The following JAK2 variants were observed in gnomAD, a reference collection of about 807,000 sequenced individuals.
JAK2 encodes Janus kinase 2.
A neutral mutation model predicts 139.3 loss-of-function variants in JAK2; 86 were observed. The observed-to-expected ratio is 0.62, with a 90% CI of 0.52 to 0.74. The LOEUF is 0.74. Among genes scored for constraint, JAK2 ranks in the 30% least tolerant of loss-of-function variants. The probability of loss-of-function intolerance (pLI) is 0.00; values close to 1 mark genes in which losing one functional copy is unlikely to be tolerated. For synonymous variants in JAK2, 490 were observed against 437.7 expected (o/e 1.12, Z -1.49); for missense variants, 1,421 against 1,360.3 (o/e 1.04, Z -0.70).
chr9:5,065,034 C>T lies in JAK2; in HGVS notation c.1208C>T (p.Pro403Leu). 1 of 1,578,276 alleles carries T rather than the reference C, an allele frequency of 6.3e-7. No homozygotes were observed. Among genetic ancestry groups the T allele is most frequent in the Non-Finnish European group, 8.6e-7 (1 of 1,163,908 alleles). Residue 403 changes from proline (P) to leucine (L), a missense_variant, in exon 9 of 25, where the codon CCA becomes CTA. By Grantham distance (98) the Pro-to-Leu change is moderately conservative (BLOSUM62 -3). Transcript: ENST00000381652. ...LENIQSNCHG[P>L]ISMDFAISKL... ...AATATACAAAGCAACTGTCATGGCCCAATTTCGTGAGTAATACAGACTTAA... is the reference window on the plus strand; with the variant it reads ...AATATACAAAGCAACTGTCATGGCCTAATTTCGTGAGTAATACAGACTTAA...
chr9:5,085,008 G>C, intron 19 of JAK2: 3 of 845,326 alleles, frequency 3.5e-6, no homozygotes, highest in Middle Eastern at 2.4e-4. Flanking sequence ...TTTATGTCTT[G>C]TGAGTACAAT....
Position 5,035,097 on chromosome 9 carries a change from A to C in JAK2, c.350+5191A>C, listed in dbSNP as rs1823476570. 2.0e-5 allele frequency among the ~76,000 whole-genome samples: 3 copies of C among 152,240 alleles called. No homozygotes were observed. In the South Asian group the frequency reaches 6.2e-4, roughly 32 times the overall value. ...ATACAAACTACCATCAGAGAATACT[A>C]TAAACACCTCTACATGAATAAACTA... is the stretch of plus-strand genomic sequence containing the variant. On this transcript the variant is annotated intron_variant, in intron 4 of 24. Coordinates refer to ENST00000381652, the MANE Select transcript of JAK2 (RefSeq NM_004972.4).
rs1374138849 is a variant in JAK2, at chr9:5,044,490, T to A, written c.438T>A (p.Asp146Glu). 6.2e-7 allele frequency: 1 copy of A among 1,611,230 alleles called. No individual in the cohort carries two copies. The highest frequency in any genetic ancestry group is 2.2e-5 in the East Asian group (1 of 44,806). Residue 146 changes from aspartate (D) to glutamate (E), a missense_variant, in exon 5 of 25, where the codon GAT (aspartate) becomes GAA (glutamate). Transcript: ENST00000381652. ...ISRGAEAPLL[D>E]DFVMSYLFAQ... ...GAGGTGCTGAAGCTCCTCTTCTTGA[T>A]GACTTTGTCATGTCTTACCTCTTTG...
In JAK2 at chr9:5,127,248, T is replaced by C. The variant is rs554890763; in HGVS notation, c.*457T>C. 5.6e-5 allele frequency: 13 copies of C among 232,604 alleles called. 1 individual carries two copies. Among genetic ancestry groups the C allele is most frequent in the African/African-American group, 2.9e-4 (13 of 45,418 alleles). 14.4% of individuals were successfully genotyped at this position (232,604 alleles called of 1,614,324 possible). A position where few individuals can be genotyped will look rare whatever the true frequency, so the allele number is the denominator to read the frequency against. On this transcript the variant is annotated 3_prime_UTR_variant, in exon 25 of 25. Transcript: ENST00000381652. The stretch of plus-strand genomic sequence containing the variant: ...GCTGGTGTTCATTAATACTGTTTTC[T>C]AATTTTTCCATAGTTAATCTATAAT...
Position 5,054,518 on chromosome 9 carries a change from TTTTTG to T in JAK2, c.615-30_615-26del, listed in dbSNP as rs1246195265. ...TTCAATTTTTAGATTTATCTTCCAA[TTTTTG>T]TTTTGTTTTGTTTTTCTGTATGTGC... On this transcript the variant is annotated intron_variant, in intron 6 of 24. Coordinates refer to ENST00000381652, the MANE Select transcript of JAK2 (RefSeq NM_004972.4). The surrounding 1 kb of genome is among the most constrained non-coding windows in gnomAD (Gnocchi z 4.9). 1.4e-6 allele frequency: 2 copies of T among 1,443,384 alleles called. No homozygotes were observed. Among genetic ancestry groups the T allele is most frequent in the Non-Finnish European group, 1.9e-6 (2 of 1,064,982 alleles). 89.4% of individuals were successfully genotyped at this position (1,443,384 alleles called of 1,614,324 possible).
At chr9:5,092,601 G>C (rs1820672626) in intron 22 of JAK2, among the ~76,000 whole-genome samples, 1 of 152,102 alleles carries the variant, frequency 6.6e-6, no homozygotes, top group Non-Finnish European at 1.5e-5. Context: ...TACCGTAAGG[G>C]AAAGATGAAA....
chr9:5,029,966 A>T, intron 4 of JAK2, 60 bp downstream of exon 4: 1 of 1,473,020 alleles, frequency 6.8e-7, no homozygotes, highest in African/African-American at 1.4e-5. Flanking sequence ...AGAAATTATC[A>T]AATATTTTTT....
At chr9:4,989,404 C>A (rs1423935679) in intron 2 of JAK2, among the ~76,000 whole-genome samples, 1 of 151,812 alleles carries the variant, frequency 6.6e-6, no homozygotes. Context: ...TTAGCCATAT[C>A]TTTTCAAGTT....
intron 22 of JAK2, chr9:5,111,320 C>T (rs1443965691): frequency 2.2e-6 from 1 of 448,830 alleles, no homozygotes. Flanking sequence ...GCCCCGGACC[C>T]CTGTCCCCCT....
At chr9:5,044,741 C>G (rs1223996837) in intron 5 of JAK2, among the ~76,000 whole-genome samples, 1 of 152,066 alleles carries the variant, frequency 6.6e-6, no homozygotes, top group Admixed American at 6.6e-5. Flanking sequence ...TGGACTGATC[C>G]TTTTGAATTT....
intron 22 of JAK2, among the ~76,000 whole-genome samples, chr9:5,115,962 T>G (rs1823126629): frequency 6.6e-6 from 1 of 151,942 alleles, no homozygotes; most frequent in Admixed American, 6.5e-5. Flanking sequence ...ATGTAGTTGA[T>G]GGGTTGATGG....
At position 5,044,527 on chromosome 9, in the gene JAK2, T is replaced by G; in HGVS notation, c.468+7T>G. ...GTCTTACCTCTTTGCTCAGGTATGA[T>G]TATATTATCTTACTTGTACATGAGT... On this transcript the variant is annotated splice_region_variant and intron_variant, in intron 5 of 24. Transcript: ENST00000381652. 1 of 1,445,490 alleles carries G rather than the reference T, an allele frequency of 6.9e-7. No individual in the cohort carries two copies. The highest frequency in any genetic ancestry group is 9.6e-7 in the Non-Finnish European group (1 of 1,041,058). The allele number at this position is 1,445,490 out of a possible 1,614,324, so 89.5% of individuals were successfully genotyped here.
intron 2 of JAK2, among the ~76,000 whole-genome samples, chr9:5,016,438 A>G (rs1822064725): frequency 6.6e-6 from 1 of 152,226 alleles, no homozygotes; most frequent in Admixed American, 6.6e-5. Flanking sequence ...GGAATGGTGC[A>G]ATGAGCCTGC....
At chr9:5,042,071 C>T (rs2130296017) in intron 4 of JAK2, 1 of 226,822 alleles carries the variant, frequency 4.4e-6, no homozygotes, top group Admixed American at 5.5e-5. Flanking sequence ...TGGCCGGCGG[C>T]CCCATCCCCG....
intron 4 of JAK2, among the ~76,000 whole-genome samples, chr9:5,037,990 C>T (rs1027442922): frequency 6.6e-6 from 1 of 152,060 alleles, no homozygotes; most frequent in African/African-American, 2.4e-5. Flanking sequence ...GAATATATAG[C>T]GTCACTAGTT....
intron 6 of JAK2, 110 bp downstream of exon 6, chr9:5,050,941 G>C: frequency 1.1e-6 from 1 of 870,790 alleles, no homozygotes; most frequent in African/African-American, 1.7e-5. Flanking sequence ...TACTAGTTAA[G>C]TACTCCTTAT....
intron 22 of JAK2, among the ~76,000 whole-genome samples, chr9:5,115,547 A>C (rs900479780): frequency 6.6e-6 from 1 of 152,218 alleles, no homozygotes; most frequent in Non-Finnish European, 1.5e-5. Flanking sequence ...TTCACTGAGC[A>C]ATTCCATTAC....
At chr9:5,074,290 G>A (rs139349548) in intron 14 of JAK2, among the ~76,000 whole-genome samples, 11 of 152,054 alleles carry the variant, frequency 7.2e-5, no homozygotes, top group Admixed American at 7.2e-4. Flanking sequence ...ATACAGGCAT[G>A]CCTCATTTTA....
chr9:4,987,398 G>A (rs1314315617), intron 2 of JAK2, among the ~76,000 whole-genome samples: 10 of 152,146 alleles, frequency 6.6e-5, no homozygotes, highest in Admixed American at 5.9e-4. Flanking sequence ...TGGCTTTGGA[G>A]TGAGATCTGG....
Sources: allele counts gnomAD v4.1 joint callset (sites outside exome capture counted in the v4.1 genomes callset), GRCh38; gene constraint gnomAD v4.1.1; non-coding constraint Gnocchi (gnomAD v3.1); transcripts MANE v1.5; gene names NCBI Gene and HGNC (gene_info 2026-07-23, HGNC 2026-07-21).